APP: variants seen among roughly 807,000 people sequenced by gnomAD.
APP encodes the protein amyloid-beta precursor protein.
In APP, 31 loss-of-function variants were observed where a neutral mutation model predicts 101.4. The observed-to-expected ratio is 0.31, with a 90% CI of 0.23 to 0.41. APP has a LOEUF of 0.41. APP is among the 10% of genes least tolerant of loss of function. The pLI is 1.00. For synonymous variants in APP, 366 were observed against 364.4 expected, an observed-to-expected ratio of 1.00 and a Z score of -0.05; for missense variants, 839 against 1,003.7, an observed-to-expected ratio of 0.84 and a Z score of 2.22.
intron 13 of APP, among the ~76,000 whole-genome samples, chr21:25,938,635 T>G (rs931474714): frequency 6.6e-6 from 1 of 152,196 alleles, no homozygotes; most frequent in African/African-American, 2.4e-5. Flanking sequence ...TTAACTAGAA[T>G]TCCTCTAAAT....
At chr21:26,001,011 G>A (rs912125416) in intron 6 of APP, among the ~76,000 whole-genome samples, 8 of 151,782 alleles carry the variant, frequency 5.3e-5, no homozygotes, top group Non-Finnish European at 4.4e-5. Context: ...CTATAACAAT[G>A]TATTATTTAA....
chr21:25,929,314 T>G (rs2040040840), intron 13 of APP, among the ~76,000 whole-genome samples: 1 of 152,188 alleles, frequency 6.6e-6, no homozygotes, highest in Non-Finnish European at 1.5e-5. Context: ...TAACATAAAT[T>G]TCATGCCAAA....
intron 3 of APP, among the ~76,000 whole-genome samples, chr21:26,062,978 G>A (rs2046330613): frequency 6.6e-6 from 1 of 152,026 alleles, no homozygotes; most frequent in Non-Finnish European, 1.5e-5. Context: ...TGCCCAGGCT[G>A]GTCTCAAATT....
chr21:25,981,708 C>G (rs1240675767), intron 9 of APP, among the ~76,000 whole-genome samples: 1 of 127,060 alleles, frequency 7.9e-6, no homozygotes, highest in Non-Finnish European at 1.6e-5. Context: ...CAAACCAAAA[C>G]AGGTTTTTTT....
chr21:26,096,505 C>T (rs2061945131), intron 2 of APP, among the ~76,000 whole-genome samples: 1 of 152,188 alleles, frequency 6.6e-6, no homozygotes, highest in South Asian at 2.1e-4. Context: ...CCAAGAAAAC[C>T]AAACTGTACG....
At chr21:26,148,044 A>G (rs1043007154) in intron 1 of APP, among the ~76,000 whole-genome samples, 2 of 152,210 alleles carry the variant, frequency 1.3e-5, no homozygotes, top group Non-Finnish European at 2.9e-5. Flanking sequence ...TGCATGTCTA[A>G]TACTTAGAGC....
intron 6 of APP, among the ~76,000 whole-genome samples, chr21:26,010,213 C>CAAA (rs74265002): frequency 2.5e-5 from 2 of 80,220 alleles, no homozygotes; most frequent in African/African-American, 4.1e-5. Flanking sequence ...TCCTTTTGAA[C>CAAA]AAAAAAAAAA....
chr21:25,880,805 GTTATT>G lies in APP; in HGVS notation c.*860_*864del, dbSNP rs2036937247. ...CCTTCAAAGAAAAGTCTTGCCCGGG[GTTATT>G]TTATTTAATTTATTTATGTAATACA... On this transcript the variant is annotated 3_prime_UTR_variant, in exon 18 of 18. Transcript: ENST00000346798. The G allele has an allele frequency of 6.6e-6, 1 of 152,298 alleles. No individual in the cohort carries two copies. Among genetic ancestry groups the G allele is most frequent in the Non-Finnish European group, 1.5e-5 (1 of 68,014 alleles). The allele number at this position is 152,298 out of a possible 1,614,324, so 9.4% of individuals were successfully genotyped here.
chr21:26,164,210 A>G (rs2063559165), intron 1 of APP, among the ~76,000 whole-genome samples: 2 of 152,252 alleles, frequency 1.3e-5, no homozygotes, highest in African/African-American at 4.8e-5. Flanking sequence ...GCACCACTGC[A>G]TTCCAGCTTG....
At chr21:25,881,912 T>G (rs1196799547) in intron 17 of APP, 141 bp from the exon 18 acceptor site, 1 of 878,944 alleles carries the variant, frequency 1.1e-6, no homozygotes, top group Non-Finnish European at 1.8e-6. Flanking sequence ...TCCCCCACTT[T>G]GACATCTTGG....
intron 6 of APP, among the ~76,000 whole-genome samples, 160 bp from the exon 7 acceptor site, chr21:26,000,342 C>G (rs1462432546): frequency 6.6e-6 from 1 of 152,176 alleles, no homozygotes; most frequent in Admixed American, 6.5e-5. Flanking sequence ...AACTGGCCAC[C>G]AGGACTAGAG....
chr21:25,929,132 G>A (rs984925956), intron 13 of APP: 2 of 152,232 alleles, frequency 1.3e-5, no homozygotes, highest in Non-Finnish European at 2.9e-5. Context: ...TGCCTGGCTG[G>A]TTGAGAGATG....
chr21:25,881,351 T>C lies in APP; in HGVS notation c.*319A>G, dbSNP rs1359790027. ...ACCACAAGAATAATATACAACTGGCTAAGGGGCTATGTGATAAATAATCAG... is the reference window on the plus strand; with the variant it reads ...ACCACAAGAATAATATACAACTGGCCAAGGGGCTATGTGATAAATAATCAG... On this transcript the variant is annotated 3_prime_UTR_variant, in exon 18 of 18. Coordinates refer to ENST00000346798, the MANE Select transcript of APP (RefSeq NM_000484.4). 2.4e-6 allele frequency: 1 copy of C among 409,026 alleles called. No individual in the cohort carries two copies. Among genetic ancestry groups the C allele is most frequent in the East Asian group, 5.4e-5 (1 of 18,664 alleles). The allele number at this position is 409,026 out of a possible 1,614,324, so 25.3% of individuals were successfully genotyped here.
chr21:25,960,273 G>C (rs925631313), intron 11 of APP, among the ~76,000 whole-genome samples: 4 of 150,814 alleles, frequency 2.7e-5, no homozygotes, highest in African/African-American at 9.7e-5. Context: ...TAATCTAAAT[G>C]GGTCTAGGTG....
intron 1 of APP, among the ~76,000 whole-genome samples, chr21:26,139,925 T>C (rs550899292): frequency 1.3e-5 from 2 of 151,928 alleles, no homozygotes; most frequent in East Asian, 3.9e-4. Context: ...CAAACAATTT[T>C]CTGGCAAAGT....
intron 13 of APP, among the ~76,000 whole-genome samples, chr21:25,930,225 G>C (rs1056265091): frequency 6.6e-6 from 1 of 152,128 alleles, no homozygotes; most frequent in Non-Finnish European, 1.5e-5. Context: ...CTAAAGCCGT[G>C]TCCTGTGTGA....
At chr21:26,022,631 T>C (rs918522294) in intron 5 of APP, among the ~76,000 whole-genome samples, 1 of 152,252 alleles carries the variant, frequency 6.6e-6, no homozygotes, top group African/African-American at 2.4e-5. Flanking sequence ...GCTTGAATTC[T>C]TTGTAAACCT....
chr21:25,920,445 G>C (rs1448809947), intron 13 of APP, among the ~76,000 whole-genome samples: 1 of 152,104 alleles, frequency 6.6e-6, no homozygotes, highest in Non-Finnish European at 1.5e-5. Flanking sequence ...GTTGGATAAA[G>C]AGTCAAGACC....
At chr21:26,165,755 C>G (rs570632254) in intron 1 of APP, among the ~76,000 whole-genome samples, 8 of 152,152 alleles carry the variant, frequency 5.3e-5, no homozygotes, top group Admixed American at 5.2e-4. Context: ...TGTAGCCACA[C>G]AAAATAAACC....
Sources: gnomAD v4.1 joint callset for allele counts (sites outside exome capture counted in the v4.1 genomes callset) on GRCh38, gnomAD v4.1.1 for gene constraint, MANE v1.5 for transcripts, NCBI Gene and HGNC (gene_info 2026-07-23, HGNC 2026-07-21) for gene names.